PKHD1: variants seen among roughly 807,000 people sequenced by gnomAD.
PKHD1 encodes PKHD1 ciliary IPT domain containing fibrocystin/polyductin.
In PKHD1, 291 loss-of-function variants were observed where a neutral mutation model predicts 412.0. The ratio of observed to expected loss-of-function variants is 0.71; its 90% confidence interval spans 0.64 to 0.78. PKHD1 has a LOEUF of 0.78. PKHD1 is among the 30% of genes least tolerant of loss of function. The pLI is 0.00. For synonymous variants in PKHD1, 1,777 were observed against 1,821.5 expected (o/e 0.98, Z 0.62); for missense variants, 4,825 against 4,950.7 (o/e 0.97, Z 0.76).
At chr6:51,711,315 C>T (rs1447261854) in intron 60 of PKHD1, among the ~76,000 whole-genome samples, 1 of 152,186 alleles carries the variant, frequency 6.6e-6, no homozygotes, top group Admixed American at 6.5e-5. Flanking sequence ...CTCCTGTTCC[C>T]TGGAACCATC....
At chr6:51,887,279 C>T (rs1447299457) in intron 43 of PKHD1, 34 bp from the exon 44 acceptor site, 6 of 1,315,348 alleles carry the variant, frequency 4.6e-6, no homozygotes, top group Non-Finnish European at 6.6e-6. Context: ...AAAATAGTTA[C>T]CCCATGTATG....
chr6:52,027,532 CAAAA>C (rs1229066296), intron 31 of PKHD1, among the ~76,000 whole-genome samples: 1 of 83,886 alleles, frequency 1.2e-5, no homozygotes, highest in Non-Finnish European at 2.2e-5. Context: ...AACTCCGTCT[CAAAA>C]AAAAAAAAAA....
At position 51,618,976 on chromosome 6, in the gene PKHD1, C is replaced by T; in HGVS notation, c.*105G>A. 2 of 1,036,556 alleles carry T rather than the reference C, an allele frequency of 1.9e-6. No homozygotes were observed. Among genetic ancestry groups the T allele is most frequent in the East Asian group, 2.4e-5 (1 of 42,192 alleles). 64.2% of individuals were successfully genotyped at this position (1,036,556 alleles called of 1,614,324 possible). A position where few individuals can be genotyped will look rare whatever the true frequency, so the allele number is the denominator to read the frequency against. ...AAAAGGGATTCAGAGTCCACATTCTCTCTTCTTAGTTGTCCCAGCAGGACA... is the reference window on the plus strand; with the variant it reads ...AAAAGGGATTCAGAGTCCACATTCTTTCTTCTTAGTTGTCCCAGCAGGACA... On this transcript the variant is annotated 3_prime_UTR_variant, in exon 67 of 67. Coordinates refer to ENST00000371117, the MANE Select transcript of PKHD1 (RefSeq NM_138694.4).
rs767088437 is a variant in PKHD1 at position 51,870,571 on chromosome 6, G to A, written c.7419C>T (p.Thr2473=). Residue 2473 remains threonine (T), a synonymous_variant, in exon 47 of 67, where the codon ACC becomes ACT. Coordinates refer to ENST00000371117, the MANE Select transcript of PKHD1 (RefSeq NM_138694.4). ...KRWELMVSNT[T]FVNFDLINCV... ...AGTTGATGAGATCAAAATTAACAAA[G>A]GTTGTGTTAGACACCATCAGTTCCC... The A allele has an allele frequency of 2.5e-6, 4 of 1,608,358 alleles. No individual in the cohort carries two copies. The highest frequency in any genetic ancestry group is 3.4e-6 in the Non-Finnish European group (4 of 1,174,808).
intron 49 of PKHD1, among the ~76,000 whole-genome samples, chr6:51,852,196 T>C (rs763005272): frequency 6.6e-6 from 1 of 152,240 alleles, no homozygotes; most frequent in Admixed American, 6.5e-5. Flanking sequence ...TCAATTTCCA[T>C]GAAATTTTGT....
intron 52 of PKHD1, among the ~76,000 whole-genome samples, chr6:51,795,730 A>C (rs1363936750): frequency 1.3e-5 from 2 of 152,042 alleles, no homozygotes; most frequent in Non-Finnish European, 2.9e-5. Flanking sequence ...TTTTAATTTG[A>C]ATGTATGTTG....
chr6:51,733,442 C>A (rs1216571633), intron 60 of PKHD1, among the ~76,000 whole-genome samples: 1 of 150,124 alleles, frequency 6.7e-6, no homozygotes, highest in Non-Finnish European at 1.5e-5. Context: ...GAGGCTGAGG[C>A]AGGAGAATGG....
At chr6:51,753,433 G>A in intron 56 of PKHD1, 80 bp from the exon 57 acceptor site, 1 of 1,173,056 alleles carries the variant, frequency 8.5e-7, no homozygotes, top group South Asian at 1.2e-5. Context: ...CAGCAAACCT[G>A]AGAAATGAAA....
At chr6:51,831,273 A>G (rs1341535683) in intron 51 of PKHD1, among the ~76,000 whole-genome samples, 5 of 152,156 alleles carry the variant, frequency 3.3e-5, no homozygotes, top group East Asian at 1.9e-4. Context: ...TGCAAATAAG[A>G]AAGGTAATAA....
chr6:51,855,172 C>T (rs1003625522), intron 49 of PKHD1, among the ~76,000 whole-genome samples: 3 of 152,240 alleles, frequency 2.0e-5, no homozygotes, highest in Non-Finnish European at 4.4e-5. Context: ...TTCCTTTTCC[C>T]CGTGTGGCTC....
At chr6:51,753,619 G>A (rs528277563) in intron 56 of PKHD1, among the ~76,000 whole-genome samples, 1 of 152,306 alleles carries the variant, frequency 6.6e-6, no homozygotes, top group South Asian at 2.1e-4. Context: ...ACTGGAACAG[G>A]TCACTGGTTC....
At chr6:51,753,597 A>G (rs559074125) in intron 56 of PKHD1, among the ~76,000 whole-genome samples, 1 of 152,300 alleles carries the variant, frequency 6.6e-6, no homozygotes, top group South Asian at 2.1e-4. Flanking sequence ...TTTCTTCTTA[A>G]TAACTGTGGG....
At chr6:52,050,348 T>G in intron 21 of PKHD1, 53 bp from the exon 22 acceptor site, 2 of 1,592,664 alleles carry the variant, frequency 1.3e-6, no homozygotes, top group Non-Finnish European at 1.7e-6. Flanking sequence ...GTAGACTTGC[T>G]GTGTGGAAAA....
chr6:51,719,617 A>AC (rs1242853358), intron 60 of PKHD1, among the ~76,000 whole-genome samples: 14 of 152,108 alleles, frequency 9.2e-5, no homozygotes, highest in Non-Finnish European at 1.2e-4. Context: ...GTTTTATGAG[A>AC]CCCCAAATGT....
chr6:52,015,021 T>C (rs546882804), intron 34 of PKHD1, among the ~76,000 whole-genome samples: 33 of 152,290 alleles, frequency 2.2e-4, no homozygotes, highest in African/African-American at 7.7e-4. Context: ...ATCAACATTC[T>C]TGGATACATC....
chr6:51,659,122 A>G lies in PKHD1; in HGVS notation c.11004T>C (p.Asp3668=). The change falls in exon 61 of 67, where the codon GAT becomes GAC. Residue 3668 remains aspartate, a synonymous_variant. Transcript: ENST00000371117. The part of the protein sequence containing the change: ...ISKVIVIEIG[D]SPTVRSTGMI... ...TTCCAGTGCTCCTTACTGTTGGCGA[A>G]TCACCAATTTCAATGACAATCACTT... 1 of 1,613,892 alleles carries G rather than the reference A, an allele frequency of 6.2e-7. No individual in the cohort carries two copies. The highest frequency in any genetic ancestry group is 1.7e-4 in the Middle Eastern group (1 of 6,060).
At chr6:51,830,438 C>T (rs1224354179) in intron 52 of PKHD1, among the ~76,000 whole-genome samples, 4 of 152,120 alleles carry the variant, frequency 2.6e-5, no homozygotes, top group Non-Finnish European at 4.4e-5. Context: ...AACCGAAGAG[C>T]TTGTCATTTT....
At chr6:51,930,534 T>TA (rs201980526) in intron 37 of PKHD1, among the ~76,000 whole-genome samples, 1 of 152,096 alleles carries the variant, frequency 6.6e-6, no homozygotes, top group East Asian at 1.9e-4. Flanking sequence ...TAATCCAAGG[T>TA]AAAAATCAGC....
chr6:51,969,284 C>G (rs1165632972), intron 35 of PKHD1, among the ~76,000 whole-genome samples: 2 of 152,130 alleles, frequency 1.3e-5, no homozygotes, highest in African/African-American at 4.8e-5. Flanking sequence ...TCACTGACAA[C>G]CTGAATGAAC....
Sources: gnomAD v4.1 joint callset for allele counts (sites outside exome capture counted in the v4.1 genomes callset) on GRCh38, gnomAD v4.1.1 for gene constraint, MANE v1.5 for transcripts, NCBI Gene and HGNC (gene_info 2026-07-23, HGNC 2026-07-21) for gene names.